Variants in LPIN2 observed in about 807,000 individuals in gnomAD.
The protein encoded by LPIN2 is phosphatidate phosphatase LPIN2.
Under a neutral mutation model 111.4 loss-of-function variants are expected in LPIN2, and 55 were observed. That is an observed-to-expected ratio of 0.49 (90% CI 0.40 to 0.62). LPIN2 has a LOEUF of 0.62. Ranked by LOEUF, LPIN2 falls within the 20% of genes least tolerant of loss-of-function variation. LPIN2 has a pLI of 0.00. For missense variants in LPIN2, 992 were observed against 1,112.1 expected (o/e 0.89, Z 1.54); for synonymous variants, 425 against 414.0 (o/e 1.03, Z -0.32).
At chr18:2,992,705 C>T (rs1265065686) in intron 1 of LPIN2, among the ~76,000 whole-genome samples, 4 of 152,032 alleles carry the variant, frequency 2.6e-5, no homozygotes, top group East Asian at 3.9e-4. Context: ...ATCTTTAGGC[C>T]GGGTGCGGTG....
At chr18:2,978,143 C>T (rs1302206912) in intron 1 of LPIN2, among the ~76,000 whole-genome samples, 1 of 151,674 alleles carries the variant, frequency 6.6e-6, no homozygotes, top group African/African-American at 2.4e-5. Flanking sequence ...GCCAAGACTG[C>T]GCCACTGCAC....
intron 3 of LPIN2, among the ~76,000 whole-genome samples, chr18:2,953,712 CT>C (rs2077571230): frequency 1.3e-5 from 2 of 152,092 alleles, no homozygotes; most frequent in Non-Finnish European, 2.9e-5. Context: ...TAACTTGATG[CT>C]TATCAGTTTT....
intron 2 of LPIN2, among the ~76,000 whole-genome samples, chr18:2,959,607 A>G (rs1209555453): frequency 1.3e-5 from 2 of 152,222 alleles, no homozygotes; most frequent in Non-Finnish European, 2.9e-5. Flanking sequence ...TCTGTTTTCT[A>G]ATTTGATTGA....
chr18:2,924,452 A>G lies in LPIN2; in HGVS notation c.2033T>C (p.Leu678Pro). The change falls in exon 15 of 20, where the codon CTG becomes CCG. Residue 678 changes from leucine (L) to proline (P), a missense_variant. This residue lies in a region of LPIN2 where 709 missense variants were observed against 753.2 expected (regional missense o/e 0.94). Transcript: ENST00000677752. Reference protein sequence around the residue: ...GTCRCAGTIYLWNWNDKIIIS... With the variant: ...GTCRCAGTIYPWNWNDKIIIS... ...GATGATCTTGTCATTCCAGTTCCAC[A>G]GGTAAATGGTCCCTGCACAGCGACA... 1 of 1,614,210 alleles carries G rather than the reference A, an allele frequency of 6.2e-7. No homozygotes were observed. Among genetic ancestry groups the G allele is most frequent in the Non-Finnish European group, 8.5e-7 (1 of 1,180,016 alleles).
At chr18:2,928,478 C>T (rs2077167999) in intron 11 of LPIN2, 113 bp downstream of exon 11, 7 of 1,015,044 alleles carry the variant, frequency 6.9e-6, no homozygotes, top group Non-Finnish European at 9.3e-6. Flanking sequence ...AAATATTAAG[C>T]TCAAGTAAAA....
At chr18:3,005,713 T>C (rs1215370573) in intron 1 of LPIN2, among the ~76,000 whole-genome samples, 1 of 132,162 alleles carries the variant, frequency 7.6e-6, no homozygotes. Context: ...ACACAGCTTA[T>C]CCAGTTCTAC....
At chr18:2,954,434 G>C in intron 3 of LPIN2, 70 bp downstream of exon 3, 2 of 1,048,210 alleles carry the variant, frequency 1.9e-6, no homozygotes, top group Non-Finnish European at 3.0e-6. Context: ...ACTGCTAAAC[G>C]GTCCGTCTGG....
rs1413645491 is a variant in LPIN2 at position 2,927,713 on chromosome 18, G to T, written c.1710+9C>A. On this transcript the variant is annotated intron_variant, in intron 12 of 19. Coordinates refer to ENST00000677752, the MANE Select transcript of LPIN2 (RefSeq NM_001375808.2). ...AGCCCACGGAAACAATGACCTCTAG[G>T]TCTGTTACCTGTTTGGTCATGCTTT... The T allele has an allele frequency of 1.2e-6, 2 of 1,613,534 alleles. No individual in the cohort carries two copies. The highest frequency in any genetic ancestry group is 1.3e-5 in the African/African-American group (1 of 75,028).
chr18:2,950,935 T>A lies in LPIN2; in HGVS notation c.590+120A>T, dbSNP rs566524631. 16 of 1,043,520 alleles carry A rather than the reference T, an allele frequency of 1.5e-5. No individual in the cohort carries two copies. In the South Asian group the frequency reaches 2.0e-4, roughly 13 times the overall value. 64.6% of individuals were successfully genotyped at this position (1,043,520 alleles called of 1,614,324 possible). Reference sequence around the variant, plus strand: ...TTTGCTGCTTGATTCCACAATAAACTGTAAAGGGGGAAAACAAGCCCAAAC... The same window carrying A: ...TTTGCTGCTTGATTCCACAATAAACAGTAAAGGGGGAAAACAAGCCCAAAC... On this transcript the variant is annotated intron_variant, in intron 4 of 19. Coordinates refer to ENST00000677752, the MANE Select transcript of LPIN2 (RefSeq NM_001375808.2).
chr18:2,966,813 C>T (rs1191131474), intron 1 of LPIN2, among the ~76,000 whole-genome samples: 1 of 152,152 alleles, frequency 6.6e-6, no homozygotes, highest in Non-Finnish European at 1.5e-5. Flanking sequence ...CTCCTGGGAG[C>T]GCCACATGTC....
In LPIN2 at chr18:2,931,547, A is replaced by G. The variant is rs1304401717; in HGVS notation, c.1269-104T>C. 1.5e-5 allele frequency: 16 copies of G among 1,084,406 alleles called. No homozygotes were observed. The South Asian group carries it at 1.6e-4, about 11-fold the overall frequency. 67.2% of individuals were successfully genotyped at this position (1,084,406 alleles called of 1,614,324 possible). On this transcript the variant is annotated intron_variant, in intron 8 of 19. Coordinates refer to ENST00000677752, the MANE Select transcript of LPIN2 (RefSeq NM_001375808.2). ...GCTCAAACCAAATAACACATCCGCT[A>G]AAAAGAACGGATGGACCTACAATCA...
rs1337587498 is a variant in LPIN2, at chr18:2,923,762, G to A, written c.2174+13C>T. On this transcript the variant is annotated intron_variant, in intron 16 of 19. Coordinates refer to ENST00000677752, the MANE Select transcript of LPIN2 (RefSeq NM_001375808.2). ...AGCTCACCAGAGCGAGTTAACGTGG[G>A]GAGGGTACCTACTCATTGATGGAAT... The A allele has an allele frequency of 1.9e-6, 3 of 1,610,500 alleles. No individual in the cohort carries two copies. The highest frequency in any genetic ancestry group is 2.2e-5 in the East Asian group (1 of 44,858).
chr18:2,996,698 C>G (rs1007606788), intron 1 of LPIN2, among the ~76,000 whole-genome samples: 1 of 151,738 alleles, frequency 6.6e-6, no homozygotes, highest in African/African-American at 2.4e-5. Context: ...AGGATGGTCT[C>G]GATCTCCTGA....
intron 1 of LPIN2, among the ~76,000 whole-genome samples, chr18:2,987,103 C>T (rs183994658): frequency 6.6e-6 from 1 of 152,170 alleles, no homozygotes; most frequent in South Asian, 2.1e-4. Flanking sequence ...ATTTTCTGTT[C>T]TGGGGTTATA....
At chr18:2,992,307 C>T (rs2078277572) in intron 1 of LPIN2, among the ~76,000 whole-genome samples, 1 of 152,036 alleles carries the variant, frequency 6.6e-6, no homozygotes, top group African/African-American at 2.4e-5. Context: ...AGGAAATAAG[C>T]CTGACACAAA....
At chr18:2,990,687 A>G in intron 1 of LPIN2, 2 of 289,152 alleles carry the variant, frequency 6.9e-6, no homozygotes, top group South Asian at 3.3e-5. Flanking sequence ...ATGACTCTCC[A>G]TTTATGAGAA....
intron 1 of LPIN2, among the ~76,000 whole-genome samples, chr18:2,991,822 C>T (rs930971007): frequency 6.6e-6 from 1 of 151,960 alleles, no homozygotes; most frequent in Admixed American, 6.6e-5. Context: ...TCAGCCTGGC[C>T]AAGATGGCGA....
At position 2,971,747 on chromosome 18, in the gene LPIN2, G is replaced by GAAA. The variant is rs11369729; in HGVS notation, c.-9-10901_-9-10899dup. 2.0e-4 allele frequency among the ~76,000 whole-genome samples: 28 copies of GAAA among 139,234 alleles called. 1 individual carries two copies. The highest frequency in any genetic ancestry group is 3.6e-4 in the Admixed American group (5 of 13,994). 91.3% of individuals were successfully genotyped at this position (139,234 alleles called of 152,430 possible). A position where few individuals can be genotyped will look rare whatever the true frequency, so the allele number is the denominator to read the frequency against. ...TGAAGATACATATAACCATGCACTGGAAAAAAAAAAAAAAAACAGGCTGGG... is the reference window on the plus strand; with the variant it reads ...TGAAGATACATATAACCATGCACTGGAAAAAAAAAAAAAAAAAAACAGGCTGGG... On this transcript the variant is annotated intron_variant, in intron 1 of 19. Transcript: ENST00000677752.
At chr18:2,932,647 C>T (rs1031678110) in intron 8 of LPIN2, among the ~76,000 whole-genome samples, 5 of 152,202 alleles carry the variant, frequency 3.3e-5, no homozygotes, top group African/African-American at 1.2e-4. Context: ...CCGGGGCACA[C>T]GGCGAGGCCC....
Sources: gnomAD v4.1 joint callset for allele counts (sites outside exome capture counted in the v4.1 genomes callset) on GRCh38, gnomAD v4.1.1 for gene constraint, gnomAD v4.1.1 regional missense constraint, MANE v1.5 for transcripts, NCBI Gene and HGNC (gene_info 2026-07-23, HGNC 2026-07-21) for gene names.